PTPRD: variants seen among roughly 807,000 people sequenced by gnomAD.
PTPRD encodes the protein protein tyrosine phosphatase receptor type D, also known as receptor-type tyrosine-protein phosphatase delta.
In PTPRD, 34 loss-of-function variants were observed where a neutral mutation model predicts 214.5. That is an observed-to-expected ratio of 0.16 (90% confidence interval 0.12 to 0.21). The LOEUF (loss-of-function observed/expected upper bound fraction) is 0.21. Among genes scored for constraint, PTPRD ranks in the 10% least tolerant of loss-of-function variants. PTPRD has a pLI of 1.00. For missense variants in PTPRD, 2,545 were observed against 2,398.7 expected (o/e 1.06, Z -1.27); for synonymous variants, 1,128 against 845.7 (o/e 1.33, Z -5.79).
intron 9 of PTPRD, among the ~76,000 whole-genome samples, chr9:9,207,035 G>A (rs953797508): frequency 5.3e-5 from 8 of 152,252 alleles, no homozygotes; most frequent in African/African-American, 1.7e-4. Flanking sequence ...TTGAAGTGAT[G>A]GATTTGAGGA....
chr9:9,696,500 A>C (rs547970560), intron 7 of PTPRD, among the ~76,000 whole-genome samples: 2 of 152,064 alleles, frequency 1.3e-5, no homozygotes, highest in Admixed American at 6.6e-5. Flanking sequence ...GTGTGCATAG[A>C]TATTTGTAAT....
chr9:9,921,486 G>C (rs1245479392), intron 5 of PTPRD, among the ~76,000 whole-genome samples: 1 of 151,602 alleles, frequency 6.6e-6, no homozygotes, highest in African/African-American at 2.4e-5. Flanking sequence ...AAATATCTTA[G>C]AATGATTTTT....
chr9:9,175,641 A>AAAC (rs1554913853), intron 10 of PTPRD, among the ~76,000 whole-genome samples: 59,760 of 140,324 alleles, frequency 0.43, 14,097 homozygotes, highest in South Asian at 0.59. Context: ...AAAAAAAAAA[A>AAAC]AAAAAAAAAG....
intron 8 of PTPRD, among the ~76,000 whole-genome samples, chr9:9,524,632 T>C (rs1042858297): frequency 2.0e-5 from 3 of 152,190 alleles, no homozygotes; most frequent in Non-Finnish European, 4.4e-5. Context: ...AACACCATAT[T>C]GGTCTCAGAT....
At chr9:10,457,835 ACATACC>A (rs2098929625) in intron 2 of PTPRD, among the ~76,000 whole-genome samples, 1 of 152,100 alleles carries the variant, frequency 6.6e-6, no homozygotes, top group African/African-American at 2.4e-5. Flanking sequence ...CATAAAATTG[ACATACC>A]CATAGCCAGA....
At chr9:10,344,944 T>C (rs190280038) in intron 2 of PTPRD, among the ~76,000 whole-genome samples, 1 of 152,202 alleles carries the variant, frequency 6.6e-6, no homozygotes, top group Non-Finnish European at 1.5e-5. Flanking sequence ...TCATTTTAGA[T>C]GCTATTATAA....
At chr9:10,242,210 A>G (rs930034714) in intron 3 of PTPRD, among the ~76,000 whole-genome samples, 1 of 151,994 alleles carries the variant, frequency 6.6e-6, no homozygotes, top group African/African-American at 2.4e-5. Flanking sequence ...CTGCACTGGA[A>G]TAAGGGCAAG....
intron 11 of PTPRD, among the ~76,000 whole-genome samples, chr9:8,748,773 T>C (rs566013953): frequency 6.6e-6 from 1 of 152,102 alleles, no homozygotes; most frequent in East Asian, 1.9e-4. Flanking sequence ...TAGCCAGGCA[T>C]GGTGGCGCAT....
At chr9:9,044,685 G>A (rs1310138048) in intron 10 of PTPRD, among the ~76,000 whole-genome samples, 1 of 152,200 alleles carries the variant, frequency 6.6e-6, no homozygotes, top group Non-Finnish European at 1.5e-5. Context: ...AACTGACTAT[G>A]CTGGGAACTT....
In PTPRD at chr9:9,388,903, T is replaced by C. The variant is rs1193934454; in HGVS notation, c.-203+8546A>G. On this transcript the variant is annotated intron_variant, in intron 9 of 45. Transcript: ENST00000381196. ...TGCCAGTCTCCTGAAAAAAAAATCT[T>C]TCACAGTGGGCATTTTAATCAGGAT... Among the ~76,000 whole-genome samples, 8 of 152,270 alleles carry C rather than the reference T, an allele frequency of 5.3e-5. No individual in the cohort carries two copies. In the South Asian group the frequency reaches 8.3e-4, roughly 16 times the overall value.
At chr9:10,062,991 T>C (rs2097801880) in intron 3 of PTPRD, among the ~76,000 whole-genome samples, 1 of 152,058 alleles carries the variant, frequency 6.6e-6, no homozygotes, top group African/African-American at 2.4e-5. Flanking sequence ...TAAGAATTAA[T>C]ATGTTAAGAA....
chr9:9,490,131 G>T (rs962903747), intron 8 of PTPRD, among the ~76,000 whole-genome samples: 1 of 152,062 alleles, frequency 6.6e-6, no homozygotes, highest in Admixed American at 6.6e-5. Context: ...GAAAGCAATT[G>T]CCAAACAAGA....
intron 10 of PTPRD, among the ~76,000 whole-genome samples, chr9:9,139,214 G>C (rs115270981): frequency 0.031 from 4,681 of 151,084 alleles, 101 homozygotes; most frequent in East Asian, 0.12. Flanking sequence ...GTAATAGTAA[G>C]TCCTCAATGA....
At chr9:10,420,838 CT>C (rs541224726) in intron 2 of PTPRD, among the ~76,000 whole-genome samples, 31 of 151,074 alleles carry the variant, frequency 2.1e-4, no homozygotes, top group East Asian at 1.4e-3. Context: ...TAGGTACCTT[CT>C]TTTTTTTTAT....
chr9:10,448,580 G>C (rs1400191525), intron 2 of PTPRD, among the ~76,000 whole-genome samples: 6 of 151,984 alleles, frequency 3.9e-5, no homozygotes, highest in Non-Finnish European at 7.4e-5. Flanking sequence ...ACCGGTAGTG[G>C]TTTAAACTTT....
At chr9:8,732,073 G>C (rs756859857) in intron 12 of PTPRD, among the ~76,000 whole-genome samples, 3 of 152,204 alleles carry the variant, frequency 2.0e-5, no homozygotes, top group Non-Finnish European at 4.4e-5. Context: ...AGCATAAGAA[G>C]TGTGATGAAG....
chr9:9,283,883 G>A (rs1948573550), intron 9 of PTPRD, among the ~76,000 whole-genome samples: 1 of 151,486 alleles, frequency 6.6e-6, no homozygotes, highest in Non-Finnish European at 1.5e-5. Flanking sequence ...TTACGCAGAG[G>A]AAAACTAATA....
intron 10 of PTPRD, among the ~76,000 whole-genome samples, chr9:9,038,711 C>A (rs187355337): frequency 6.6e-6 from 1 of 151,914 alleles, no homozygotes; most frequent in Non-Finnish European, 1.5e-5. Flanking sequence ...CCTACCACCA[C>A]GCCCAGCTAA....
intron 33 of PTPRD, among the ~76,000 whole-genome samples, chr9:8,450,432 A>C (rs2095891507): frequency 6.6e-6 from 1 of 151,324 alleles, no homozygotes; most frequent in East Asian, 2.0e-4. Context: ...TCTCTTTCAA[A>C]TGTGAAGGAA....
Sources: allele counts gnomAD v4.1 joint callset (sites outside exome capture counted in the v4.1 genomes callset), GRCh38; gene constraint gnomAD v4.1.1; transcripts MANE v1.5; gene names NCBI Gene and HGNC (gene_info 2026-07-23, HGNC 2026-07-21).